Variants in EDA observed in about 807,000 individuals in gnomAD.
EDA encodes the protein ectodysplasin-A.
In EDA, 2 loss-of-function variants were observed where a neutral mutation model predicts 23.6. The ratio of observed to expected loss-of-function variants is 0.08; its 90% CI spans 0.03 to 0.27. EDA has a LOEUF of 0.27. Among genes scored for constraint, EDA ranks in the 10% least tolerant of loss-of-function variants. EDA has a pLI of 1.00. For missense variants in EDA, 229 were observed against 324.2 expected (o/e 0.71, Z 2.26); for synonymous variants, 131 against 132.0 (o/e 0.99, Z 0.05).
chrX:69,938,154 T>G, intron 1 of EDA: 305 of 521,530 alleles, frequency 5.8e-4, no homozygotes, highest in Non-Finnish European at 6.9e-4. Context: ...CCCCTGGCCA[T>G]AGAGACAGCA....
At chrX:69,881,726 A>T (rs992199241) in intron 1 of EDA, among the ~76,000 whole-genome samples, 2 of 112,019 alleles carry the variant, frequency 1.8e-5, no homozygotes, top group Non-Finnish European at 3.8e-5. Flanking sequence ...TATTTGGTTC[A>T]TGGTTCTGCC....
chrX:69,678,758 T>G (rs1453306798), intron 1 of EDA, among the ~76,000 whole-genome samples: 2 of 97,979 alleles, frequency 2.0e-5, no homozygotes, highest in Non-Finnish European at 4.0e-5. Flanking sequence ...TACAATCATG[T>G]CGTCTGCAAA....
At chrX:69,632,612 G>C (rs1290657303) in intron 1 of EDA, among the ~76,000 whole-genome samples, 1 of 112,017 alleles carries the variant, frequency 8.9e-6, no homozygotes, top group Non-Finnish European at 1.9e-5. Flanking sequence ...CAGACCTCCT[G>C]CTCTAAGACA....
In EDA at chrX:69,863,613, A is replaced by G. The variant is rs779878804; in HGVS notation, c.397-93414A>G. ...TACATATATGTATATATATGTGTGT[A>G]TATATGTGTGTATTTATGTGTGTGT... On this transcript the variant is annotated intron_variant, in intron 1 of 7. Coordinates refer to ENST00000374552, the MANE Select transcript of EDA (RefSeq NM_001399.5). Among the ~76,000 whole-genome samples the G allele has an allele frequency of 5.0e-5, 4 of 80,633 alleles. 1 individual carries two copies. The South Asian group carries it at 1.8e-3, about 37-fold the overall frequency. 70.0% of individuals were successfully genotyped at this position (80,633 alleles called of 115,157 possible). A position where few individuals can be genotyped will look rare whatever the true frequency, so the allele number is the denominator to read the frequency against.
At chrX:69,849,771 A>T (rs765674985) in intron 1 of EDA, among the ~76,000 whole-genome samples, 1 of 110,818 alleles carries the variant, frequency 9.0e-6, no homozygotes, top group African/African-American at 3.3e-5. Flanking sequence ...TTTTAAAAAT[A>T]TGTTTTTCTA....
intron 1 of EDA, among the ~76,000 whole-genome samples, chrX:69,682,507 G>C (rs748990183): frequency 8.9e-6 from 1 of 112,250 alleles, no homozygotes; most frequent in Non-Finnish European, 1.9e-5. Context: ...AGCCAGGTGT[G>C]GGATATAATC....
chrX:70,038,849 G>A lies in EDA; in HGVS notation c.*3240G>A, dbSNP rs768962196. 2 of 112,478 alleles carry A rather than the reference G, an allele frequency of 1.8e-5. No homozygotes were observed. Among genetic ancestry groups the A allele is most frequent in the African/African-American group, 6.5e-5 (2 of 30,876 alleles). 9.3% of individuals were successfully genotyped at this position (112,478 alleles called of 1,213,427 possible). ...CCCTGTTACTTATGTAGAAACTGAG[G>A]CCCAGAGAGGGAAGATGACCTGCCC... On this transcript the variant is annotated 3_prime_UTR_variant, in exon 8 of 8. Transcript: ENST00000374552.
chrX:69,835,306 G>A (rs182925517), intron 1 of EDA, among the ~76,000 whole-genome samples: 165 of 112,026 alleles, frequency 1.5e-3, no homozygotes, highest in African/African-American at 5.2e-3. Context: ...CCTGCAGAGT[G>A]TTTTCCAACT....
intron 1 of EDA, among the ~76,000 whole-genome samples, chrX:69,884,835 A>G (rs538417482): frequency 8.9e-6 from 1 of 111,921 alleles, no homozygotes; most frequent in African/African-American, 3.2e-5. Flanking sequence ...GTATATACCT[A>G]TGAGTGGGAT....
chrX:69,822,441 C>A (rs1878119817), intron 1 of EDA, among the ~76,000 whole-genome samples: 1 of 111,340 alleles, frequency 9.0e-6, no homozygotes, highest in Non-Finnish European at 1.9e-5. Flanking sequence ...AAGCCCCAAA[C>A]AGTGGTCAAA....
chrX:69,718,937 CT>C (rs1238926761), intron 1 of EDA, among the ~76,000 whole-genome samples: 1 of 111,485 alleles, frequency 9.0e-6, no homozygotes, highest in African/African-American at 3.3e-5. Context: ...CTGAAGATTT[CT>C]TTTTCAGGAG....
At position 70,035,093 on chromosome X, in the gene EDA, G is replaced by C. The variant is rs147920023; in HGVS notation, c.925-265G>C. ...ACGGTGAAGCTGCAAATAGGGCATG[G>C]TTCTTAGCCTTACAGAGTTTGCGAC... On this transcript the variant is annotated intron_variant, in intron 7 of 7. Coordinates refer to ENST00000374552, the MANE Select transcript of EDA (RefSeq NM_001399.5). 6.9e-3 allele frequency among the ~76,000 whole-genome samples: 770 copies of C among 111,861 alleles called. 4 individuals carry two copies. Among genetic ancestry groups the C allele is most frequent in the African/African-American group, 0.024 (730 of 30,727 alleles).
chrX:69,677,480 T>C (rs1934142059), intron 1 of EDA, among the ~76,000 whole-genome samples: 1 of 111,540 alleles, frequency 9.0e-6, no homozygotes. Flanking sequence ...CCACATCCTC[T>C]CCAGCACCTG....
At chrX:69,681,823 G>A (rs1286902441) in intron 1 of EDA, among the ~76,000 whole-genome samples, 1 of 111,721 alleles carries the variant, frequency 9.0e-6, no homozygotes, top group Non-Finnish European at 1.9e-5. Context: ...CTCTCAGCTC[G>A]TCAAAGTCAT....
At chrX:69,735,099 T>C (rs2147364456) in intron 1 of EDA, among the ~76,000 whole-genome samples, 1 of 111,658 alleles carries the variant, frequency 9.0e-6, no homozygotes, top group South Asian at 3.8e-4. Flanking sequence ...TTATTTACAA[T>C]AGTCAAGAGG....
chrX:69,656,227 G>T (rs1424392348), intron 1 of EDA, among the ~76,000 whole-genome samples: 1 of 110,874 alleles, frequency 9.0e-6, no homozygotes, highest in East Asian at 2.9e-4. Context: ...CTTTCACAAT[G>T]CTCCTTAGTC....
At chrX:69,793,283 T>A (rs1205084089) in intron 1 of EDA, among the ~76,000 whole-genome samples, 2 of 111,773 alleles carry the variant, frequency 1.8e-5, no homozygotes, top group Non-Finnish European at 3.8e-5. Context: ...ATTTTGTAGT[T>A]TGCATTCTAT....
At chrX:70,026,994 A>G (rs1260565617) in intron 3 of EDA, among the ~76,000 whole-genome samples, 1 of 110,786 alleles carries the variant, frequency 9.0e-6, no homozygotes, top group Admixed American at 9.6e-5. Context: ...ACCTTCCTGG[A>G]GCTGATACTG....
intron 2 of EDA, among the ~76,000 whole-genome samples, chrX:69,980,905 G>C (rs1196960989): frequency 8.9e-6 from 1 of 112,044 alleles, no homozygotes; most frequent in Non-Finnish European, 1.9e-5. Context: ...CTCTGGGCAG[G>C]TGTTCATTTT....
Sources: gnomAD v4.1 joint callset for allele counts (sites outside exome capture counted in the v4.1 genomes callset) on GRCh38, gnomAD v4.1.1 for gene constraint, MANE v1.5 for transcripts, NCBI Gene and HGNC (gene_info 2026-07-23, HGNC 2026-07-21) for gene names.